Variants in DAB1 observed in about 807,000 individuals in gnomAD.
The protein encoded by DAB1 is DAB adaptor protein 1.
A neutral mutation model predicts 64.6 loss-of-function variants in DAB1; 15 were observed. The ratio of observed to expected loss-of-function variants is 0.23; its 90% CI spans 0.16 to 0.36. The LOEUF (loss-of-function observed/expected upper bound fraction) is 0.36, where lower values mean the gene tolerates loss of function less well. Ranked by LOEUF, DAB1 falls within the 10% of genes least tolerant of loss-of-function variation. The probability of loss-of-function intolerance (pLI) is 1.00; values close to 1 mark genes in which losing one functional copy is unlikely to be tolerated. For missense variants in DAB1, 596 were observed against 706.7 expected, an observed-to-expected ratio of 0.84 and a Z score of 1.78; for synonymous variants, 235 against 251.9, an observed-to-expected ratio of 0.93 and a Z score of 0.64.
At chr1:57,948,075 C>T (rs1324566303) in intron 5 of DAB1, among the ~76,000 whole-genome samples, 2 of 152,192 alleles carry the variant, frequency 1.3e-5, no homozygotes, top group Non-Finnish European at 2.9e-5. Context: ...CAACTTCTGC[C>T]TCTCACCTGC....
intron 5 of DAB1, among the ~76,000 whole-genome samples, chr1:58,141,389 C>T (rs1654276432): frequency 6.6e-6 from 1 of 152,108 alleles, no homozygotes; most frequent in South Asian, 2.1e-4. Flanking sequence ...ATCACGAGAA[C>T]AGCATGGGAA....
chr1:58,009,638 GTTGT>G (rs1646638968), intron 5 of DAB1, among the ~76,000 whole-genome samples: 1 of 152,132 alleles, frequency 6.6e-6, no homozygotes, highest in African/African-American at 2.4e-5. Context: ...GTATAAAATA[GTTGT>G]TTGTACACTT....
intron 6 of DAB1, among the ~76,000 whole-genome samples, chr1:57,672,841 G>A (rs1485783672): frequency 6.6e-6 from 1 of 152,006 alleles, no homozygotes; most frequent in Non-Finnish European, 1.5e-5. Context: ...AAAAGAACAT[G>A]GACCACATCT....
chr1:57,884,221 T>G (rs1000984836), upstream of DAB1: 2 of 152,226 alleles, frequency 1.3e-5, no homozygotes, highest in Admixed American at 1.3e-4. Context: ...GAGGATAAAG[T>G]ACAATGGTCA....
At chr1:57,083,438 A>T (rs1046367167) in intron 4 of DAB1, among the ~76,000 whole-genome samples, 1 of 152,208 alleles carries the variant, frequency 6.6e-6, no homozygotes, top group African/African-American at 2.4e-5. Context: ...TGGTTTTAAC[A>T]TTTTAGCTCA....
At chr1:58,071,100 G>T (rs762307555) in intron 5 of DAB1, among the ~76,000 whole-genome samples, 32 of 152,178 alleles carry the variant, frequency 2.1e-4, no homozygotes, top group South Asian at 2.1e-4. Flanking sequence ...GAGCTCTGGG[G>T]ACACCAAGAT....
intron 1 of DAB1, among the ~76,000 whole-genome samples, chr1:57,869,831 A>T (rs1643908115): frequency 6.6e-6 from 1 of 152,168 alleles, no homozygotes; most frequent in African/African-American, 2.4e-5. Context: ...GATTATATTT[A>T]CACATCTGAT....
At chr1:58,060,767 G>A (rs890095300) in intron 5 of DAB1, among the ~76,000 whole-genome samples, 10 of 152,230 alleles carry the variant, frequency 6.6e-5, no homozygotes, top group Admixed American at 4.6e-4. Context: ...AGCAGCCATG[G>A]GCTGTTAAGC....
At chr1:58,286,495 A>C (rs1383045297) in intron 4 of DAB1, among the ~76,000 whole-genome samples, 1 of 152,214 alleles carries the variant, frequency 6.6e-6, no homozygotes, top group Non-Finnish European at 1.5e-5. Flanking sequence ...CCACATTGAA[A>C]AGTGGACAAA....
intron 4 of DAB1, among the ~76,000 whole-genome samples, chr1:58,274,903 T>C (rs1020366693): frequency 3.3e-5 from 5 of 151,910 alleles, no homozygotes; most frequent in Non-Finnish European, 7.4e-5. Flanking sequence ...GCGCCCACTG[T>C]CTGGCACTCC....
At chr1:57,506,505 G>A (rs1447156975) in intron 7 of DAB1, among the ~76,000 whole-genome samples, 1 of 152,176 alleles carries the variant, frequency 6.6e-6, no homozygotes, top group African/African-American at 2.4e-5. Flanking sequence ...TAAATTTACT[G>A]AATCAGTGTA....
At chr1:57,478,182 G>A (rs1042060067) in intron 7 of DAB1, among the ~76,000 whole-genome samples, 1 of 152,070 alleles carries the variant, frequency 6.6e-6, no homozygotes, top group Admixed American at 6.6e-5. Flanking sequence ...TCTCAGGGCT[G>A]CACTAGTAAA....
At chr1:57,246,656 CACT>C (rs1302924690) in intron 2 of DAB1, among the ~76,000 whole-genome samples, 1 of 152,160 alleles carries the variant, frequency 6.6e-6, no homozygotes, top group Non-Finnish European at 1.5e-5. Flanking sequence ...AAGGTAAATC[CACT>C]GACAGCTTGC....
Position 57,711,634 on chromosome 1 carries a change from T to C in DAB1, n.552-61969A>G, listed in dbSNP as rs1466374192. Among the ~76,000 whole-genome samples the C allele has an allele frequency of 7.2e-5, 11 of 152,342 alleles. No individual in the cohort carries two copies. In the South Asian group the frequency reaches 2.3e-3, roughly 32 times the overall value. Reference sequence around the variant, plus strand: ...GACTATAAGTTAATGAGTAGGTTGTTAGAAAGACAGATTGGGATAAGCAGG... The same window carrying C: ...GACTATAAGTTAATGAGTAGGTTGTCAGAAAGACAGATTGGGATAAGCAGG... On this transcript the variant is annotated intron_variant and non_coding_transcript_variant, in intron 6 of 20. Coordinates refer to the DAB1 transcript ENST00000485760.
chr1:57,936,123 G>T (rs540997079), intron 5 of DAB1, among the ~76,000 whole-genome samples: 1 of 152,196 alleles, frequency 6.6e-6, no homozygotes, highest in South Asian at 2.1e-4. Flanking sequence ...CCTTACAGGC[G>T]GGTTATTCCA....
At chr1:57,506,576 T>G (rs1354472240) in intron 7 of DAB1, among the ~76,000 whole-genome samples, 2 of 152,154 alleles carry the variant, frequency 1.3e-5, no homozygotes, top group Admixed American at 6.5e-5. Context: ...CTGGGGCCAA[T>G]CAATGGTCCA....
In DAB1 at chr1:57,392,980, C is replaced by T. The variant is rs372397311; in HGVS notation, c.-137+30950G>A. Among the ~76,000 whole-genome samples the T allele has an allele frequency of 2.0e-5, 3 of 152,310 alleles. 1 individual carries two copies. The East Asian group carries it at 5.8e-4, about 29-fold the overall frequency. On this transcript the variant is annotated intron_variant, in intron 1 of 14. Transcript: ENST00000371236. The stretch of plus-strand genomic sequence containing the variant: ...AAGCTTTGGTGCCAGTCGGCCCCGG[C>T]TCCACATTCAGGATGTACTATCTCT...
At chr1:57,562,836 G>T (rs1645068732) in intron 7 of DAB1, among the ~76,000 whole-genome samples, 1 of 152,178 alleles carries the variant, frequency 6.6e-6, no homozygotes, top group African/African-American at 2.4e-5. Context: ...GACACTTTGG[G>T]CTCCTCCTCC....
At chr1:57,614,097 C>T (rs957258080) in intron 7 of DAB1, among the ~76,000 whole-genome samples, 3 of 152,100 alleles carry the variant, frequency 2.0e-5, no homozygotes, top group South Asian at 2.1e-4. Flanking sequence ...ATGTGCCCAT[C>T]GAAAGGGGCA....
Sources: gnomAD v4.1 joint callset for allele counts (sites outside exome capture counted in the v4.1 genomes callset) on GRCh38, gnomAD v4.1.1 for gene constraint, MANE v1.5 for transcripts, NCBI Gene and HGNC (gene_info 2026-07-23, HGNC 2026-07-21) for gene names.